SGCZ: variants seen among roughly 807,000 people sequenced by gnomAD.
The protein encoded by SGCZ is zeta-sarcoglycan.
In SGCZ, 40 loss-of-function variants were observed where a neutral mutation model predicts 41.3. The ratio of observed to expected loss-of-function variants is 0.97; its 90% CI spans 0.75 to 1.26. The LOEUF (loss-of-function observed/expected upper bound fraction) is 1.26. Among genes scored for constraint, SGCZ ranks in the 50% most tolerant of loss-of-function variants. The pLI is 0.00. For synonymous variants in SGCZ, 206 were observed against 137.5 expected (o/e 1.50, Z -3.49); for missense variants, 552 against 369.8 (o/e 1.49, Z -4.04).
chr8:15,195,752 A>G (rs1800703887), intron 1 of SGCZ, among the ~76,000 whole-genome samples: 1 of 152,190 alleles, frequency 6.6e-6, no homozygotes, highest in South Asian at 2.1e-4. Context: ...TTCATCTAAA[A>G]AAAACTTACC....
At chr8:15,232,934 T>A (rs1802002335) in intron 1 of SGCZ, among the ~76,000 whole-genome samples, 1 of 151,654 alleles carries the variant, frequency 6.6e-6, no homozygotes, top group East Asian at 1.9e-4. Context: ...TATAGTAACA[T>A]CACAGTATAA....
intron 3 of SGCZ, among the ~76,000 whole-genome samples, chr8:14,246,367 G>A (rs1799089782): frequency 6.6e-6 from 1 of 151,590 alleles, no homozygotes; most frequent in African/African-American, 2.4e-5. Context: ...ATCACTGCAT[G>A]TTCTCACTCA....
intron 1 of SGCZ, among the ~76,000 whole-genome samples, chr8:15,111,557 A>T (rs912613646): frequency 3.9e-5 from 6 of 152,038 alleles, no homozygotes; most frequent in African/African-American, 1.4e-4. Context: ...ACCTTGAGCC[A>T]CTCACTCAGG....
At chr8:14,852,300 A>G (rs1803357956) in intron 1 of SGCZ, among the ~76,000 whole-genome samples, 1 of 152,192 alleles carries the variant, frequency 6.6e-6, no homozygotes, top group African/African-American at 2.4e-5. Flanking sequence ...TAGTTCATCA[A>G]GGTAAAATGT....
intron 1 of SGCZ, among the ~76,000 whole-genome samples, chr8:14,928,344 TC>T (rs2130801906): frequency 6.6e-6 from 1 of 152,308 alleles, no homozygotes; most frequent in African/African-American, 2.4e-5. Context: ...CATAAATATG[TC>T]TGTGCTCAGG....
intron 1 of SGCZ, among the ~76,000 whole-genome samples, chr8:14,950,621 T>C (rs1294048439): frequency 1.3e-5 from 2 of 152,096 alleles, no homozygotes; most frequent in African/African-American, 4.8e-5. Flanking sequence ...CTTTTACAGT[T>C]AGGATGTTGG....
chr8:14,561,039 G>T (rs1338212001), intron 1 of SGCZ, among the ~76,000 whole-genome samples: 2 of 151,938 alleles, frequency 1.3e-5, no homozygotes, highest in African/African-American at 2.4e-5. Context: ...TCTTTTAAAA[G>T]TTCCTTTTTT....
intron 2 of SGCZ, among the ~76,000 whole-genome samples, chr8:14,464,553 T>G (rs1229010701): frequency 6.6e-6 from 1 of 151,066 alleles, no homozygotes; most frequent in East Asian, 1.9e-4. Context: ...AGAACCTAAT[T>G]TGTATGTTGA....
At chr8:14,283,643 C>G (rs1219068039) in intron 3 of SGCZ, among the ~76,000 whole-genome samples, 2 of 152,172 alleles carry the variant, frequency 1.3e-5, no homozygotes, top group African/African-American at 4.8e-5. Flanking sequence ...TGTTATAATT[C>G]TCAAATTCAA....
intron 3 of SGCZ, among the ~76,000 whole-genome samples, chr8:14,287,909 T>C (rs1800695933): frequency 1.3e-5 from 2 of 152,106 alleles, no homozygotes; most frequent in South Asian, 2.1e-4. Context: ...AATTTGATGA[T>C]GTATTTTAGA....
chr8:14,910,424 T>C (rs986848115), intron 1 of SGCZ, among the ~76,000 whole-genome samples: 1 of 152,082 alleles, frequency 6.6e-6, no homozygotes, highest in African/African-American at 2.4e-5. Context: ...AAACTTATTT[T>C]TAGTAAATTT....
At chr8:14,539,014 T>C (rs1803378465) in intron 2 of SGCZ, among the ~76,000 whole-genome samples, 1 of 151,972 alleles carries the variant, frequency 6.6e-6, no homozygotes, top group Non-Finnish European at 1.5e-5. Context: ...TGAAGAAACA[T>C]ATTTCAGATA....
chr8:14,550,092 A>G (rs968048411), intron 2 of SGCZ, among the ~76,000 whole-genome samples: 2 of 152,042 alleles, frequency 1.3e-5, no homozygotes, highest in African/African-American at 4.8e-5. Context: ...ACACCGACAT[A>G]CAAGAAAATT....
At chr8:14,477,325 T>A (rs999272429) in intron 2 of SGCZ, among the ~76,000 whole-genome samples, 1 of 152,168 alleles carries the variant, frequency 6.6e-6, no homozygotes, top group Non-Finnish European at 1.5e-5. Flanking sequence ...TTGAGATACT[T>A]ACTTTGGTTT....
intron 1 of SGCZ, among the ~76,000 whole-genome samples, chr8:14,612,207 C>T (rs1249004471): frequency 6.6e-6 from 1 of 152,024 alleles, no homozygotes; most frequent in African/African-American, 2.4e-5. Flanking sequence ...TAATTGTAAT[C>T]CCCATGTGTT....
chr8:14,674,073 T>G (rs1284652634), intron 1 of SGCZ, among the ~76,000 whole-genome samples: 6 of 152,122 alleles, frequency 3.9e-5, no homozygotes, highest in Non-Finnish European at 7.4e-5. Context: ...ATATTTTTAT[T>G]TTTTTAGAAA....
At chr8:14,813,169 G>A (rs955988498) in intron 1 of SGCZ, among the ~76,000 whole-genome samples, 1 of 152,196 alleles carries the variant, frequency 6.6e-6, no homozygotes, top group Non-Finnish European at 1.5e-5. Flanking sequence ...CAAAAACGAT[G>A]AAGATTTGTT....
chr8:14,590,848 AATAAT>A (rs1805217310), intron 1 of SGCZ, among the ~76,000 whole-genome samples: 1 of 148,498 alleles, frequency 6.7e-6, no homozygotes. Context: ...TCATATTATG[AATAAT>A]ATGTCATATA....
Position 14,347,038 on chromosome 8 carries a change from G to C in SGCZ, c.235-22834C>G, listed in dbSNP as rs1386677681. ...TATTATCCTTATCAAGAAAACTAAT[G>C]CATCTGTCCTTAATCAGCCATAGAG... On this transcript the variant is annotated intron_variant, in intron 2 of 7. Transcript: ENST00000382080. 2.0e-5 allele frequency among the ~76,000 whole-genome samples: 3 copies of C among 152,096 alleles called. No homozygotes were observed. In the East Asian group the frequency reaches 5.8e-4, roughly 29 times the overall value.
Sources: gnomAD v4.1 joint callset for allele counts (sites outside exome capture counted in the v4.1 genomes callset) on GRCh38, gnomAD v4.1.1 for gene constraint, MANE v1.5 for transcripts, NCBI Gene and HGNC (gene_info 2026-07-23, HGNC 2026-07-21) for gene names.